Variants in SIGLEC12 observed in about 807,000 individuals in gnomAD.
SIGLEC12 encodes sialic acid binding Ig like lectin 12.
SIGLEC12 carries 43 observed loss-of-function variants against 54.1 expected under a neutral mutation model. That is an observed-to-expected ratio of 0.80 (90% CI 0.62 to 1.03). SIGLEC12 has a LOEUF of 1.03. Ranked by LOEUF, SIGLEC12 falls within the 50% of genes least tolerant of loss-of-function variation. The probability of loss-of-function intolerance (pLI) is 0.00; values close to 1 mark genes in which losing one functional copy is unlikely to be tolerated. For missense variants in SIGLEC12, 802 were observed against 735.2 expected (o/e 1.09, Z -1.05); for synonymous variants, 357 against 307.6 (o/e 1.16, Z -1.68).
At chr19:51,499,797 A>T (rs1990343023) in intron 2 of SIGLEC12, 81 bp from the exon 3 acceptor site, 15 of 1,566,752 alleles carry the variant, frequency 9.6e-6, no homozygotes, top group Middle Eastern at 3.4e-4. Context: ...CTCTGGTCTT[A>T]CTCCTCCCCT....
intron 4 of SIGLEC12, among the ~76,000 whole-genome samples, chr19:51,498,824 G>A (rs1425559595): frequency 6.6e-6 from 1 of 152,224 alleles, no homozygotes; most frequent in Non-Finnish European, 1.5e-5. Flanking sequence ...TTTTGCCCAT[G>A]TGACTATAGT....
At chr19:51,495,261 GTGGATGGA>G (rs535638938) in intron 7 of SIGLEC12, among the ~76,000 whole-genome samples, 47 of 79,156 alleles carry the variant, frequency 5.9e-4, no homozygotes, top group South Asian at 1.1e-3. Flanking sequence ...GGGTGGGTGG[GTGGATGGA>G]TGGATGGATG....
rs1990323889 is a variant in SIGLEC12, at chr19:51,499,222, A to T, written c.1088-5T>A. 1 of 1,613,834 alleles carries T rather than the reference A, an allele frequency of 6.2e-7. No individual in the cohort carries two copies. Among genetic ancestry groups the T allele is most frequent in the Non-Finnish European group, 8.5e-7 (1 of 1,179,898 alleles). ...TGGTCAAGTTCTGAGGAGGATCTGG[A>T]ACAGAAAGACACGGAGTTCCCATCA... On this transcript the variant is annotated splice_polypyrimidine_tract_variant and splice_region_variant and intron_variant, in intron 3 of 7. Transcript: ENST00000291707.
chr19:51,495,067 A>T (rs553531376), intron 7 of SIGLEC12, among the ~76,000 whole-genome samples: 3 of 152,150 alleles, frequency 2.0e-5, no homozygotes, highest in African/African-American at 7.2e-5. Context: ...ACAACCATAA[A>T]CTTAATAAAG....
At chr19:51,494,270 G>A (rs1039541287) in intron 7 of SIGLEC12, among the ~76,000 whole-genome samples, 2 of 149,630 alleles carry the variant, frequency 1.3e-5, no homozygotes, top group African/African-American at 2.4e-5. Context: ...GAACTCAACA[G>A]CAGAGAAACA....
chr19:51,499,192 A>T lies in SIGLEC12; in HGVS notation c.1113T>A (p.Thr371=). 6.2e-7 allele frequency: 1 copy of T among 1,614,092 alleles called. No individual in the cohort carries two copies. The highest frequency in any genetic ancestry group is 8.5e-7 in the Non-Finnish European group (1 of 1,179,964). The part of the protein sequence containing the change: ...ISYPPQNLTM[T]VFQGDGTAST... ...TACCTGTGCCATCTCCTTGGAAGAC[A>T]GTCATGGTCAAGTTCTGAGGAGGAT... The change falls in exon 4 of 8, where the codon ACT becomes ACA. Residue 371 remains threonine (T), a synonymous_variant. Coordinates refer to ENST00000291707, the MANE Select transcript of SIGLEC12 (RefSeq NM_053003.4).
chr19:51,498,361 T>G, intron 4 of SIGLEC12, 74 bp from the exon 5 acceptor site: 8 of 1,333,782 alleles, frequency 6.0e-6, no homozygotes, highest in South Asian at 1.4e-5. Context: ...AGAAAGAGAG[T>G]GGTGAATGGA....
At chr19:51,497,259 C>CCCATCCAGGT in intron 6 of SIGLEC12, 90 bp downstream of exon 6, 1 of 1,209,652 alleles carries the variant, frequency 8.3e-7, no homozygotes, top group Non-Finnish European at 1.2e-6. Flanking sequence ...AAGCTCTTGA[C>CCCATCCAGGT]CCATCCAGGT....
rs1204890251 is a variant in SIGLEC12, at chr19:51,499,957, C to A, written c.771G>T (p.Trp257Cys). The A allele has an allele frequency of 6.2e-7, 1 of 1,613,680 alleles. No homozygotes were observed. Among genetic ancestry groups the A allele is most frequent in the Non-Finnish European group, 8.5e-7 (1 of 1,179,838 alleles). ...CAGAGAGCTTGTCATATATGTAGTTCCATTTCCTGCTTCCTCTCTCCACCT... is the reference window on the plus strand; with the variant it reads ...CAGAGAGCTTGTCATATATGTAGTTACATTTCCTGCTTCCTCTCTCCACCT... ...YFQVERGSRK[W>C]NYIYDKLSVH... Residue 257 changes from tryptophan (W) to cysteine (C), a missense_variant, in exon 2 of 8, where the codon TGG becomes TGT. By Grantham distance (215) the Trp-to-Cys change is radical. Coordinates refer to ENST00000291707, the MANE Select transcript of SIGLEC12 (RefSeq NM_053003.4).
rs555791712 is a variant in SIGLEC12, at chr19:51,495,547, G to A, written c.1599+1333C>T. ...TGAATAAACAAAAATAAACCCACAA[G>A]CCTTCTCCTTGGAACTTCCTATTTC... On this transcript the variant is annotated intron_variant, in intron 7 of 7. Coordinates refer to ENST00000291707, the MANE Select transcript of SIGLEC12 (RefSeq NM_053003.4). Among the ~76,000 whole-genome samples the A allele has an allele frequency of 1.3e-4, 20 of 152,320 alleles. No individual in the cohort carries two copies. The East Asian group carries it at 3.9e-3, about 29-fold the overall frequency.
intron 6 of SIGLEC12, 124 bp downstream of exon 6, chr19:51,497,225 T>G (rs1990265779): frequency 1.0e-6 from 1 of 956,294 alleles, no homozygotes; most frequent in Non-Finnish European, 1.6e-6. Flanking sequence ...CATGCACCCA[T>G]GACCTCATTC....
chr19:51,500,046 T>C lies in SIGLEC12; in HGVS notation c.682A>G (p.Thr228Ala), dbSNP rs749007078. Residue 228 changes from threonine to alanine, a missense_variant, in exon 2 of 8, where the codon ACC becomes GCC. Coordinates refer to ENST00000291707, the MANE Select transcript of SIGLEC12 (RefSeq NM_053003.4). Reference protein sequence around the residue: ...GRFLLLGDPQTNNCSLSIRDA... With the variant: ...GRFLLLGDPQANNCSLSIRDA... Reference sequence around the variant, plus strand: ...CTGATGCTCAGGGAGCAGTTGTTGGTCTGTGGGTCCCCAAGGAGGAGGAAT... The same window carrying C: ...CTGATGCTCAGGGAGCAGTTGTTGGCCTGTGGGTCCCCAAGGAGGAGGAAT... The C allele has an allele frequency of 6.2e-7, 1 of 1,614,106 alleles. No homozygotes were observed. The highest frequency in any genetic ancestry group is 1.1e-5 in the South Asian group (1 of 91,080).
Position 51,499,458 on chromosome 19 carries a change from G to GC in SIGLEC12, c.1066dup (p.Ala356GlyfsTer86). 1 of 1,595,994 alleles carries GC rather than the reference G, an allele frequency of 6.3e-7. No individual in the cohort carries two copies. The highest frequency in any genetic ancestry group is 8.5e-7 in the Non-Finnish European group (1 of 1,172,566). On this transcript the variant is annotated frameshift_variant, in exon 3 of 8. Coordinates refer to ENST00000291707, the MANE Select transcript of SIGLEC12 (RefSeq NM_053003.4). LOFTEE classifies it high-confidence loss of function. ...CTCACAGGATATGTTGAGTCGGACA[G>GC]CCCTGGTCATGGTCACGCCGGCCCC... is the stretch of plus-strand genomic sequence containing the variant.
At position 51,491,635 on chromosome 19, in the gene SIGLEC12, A is replaced by C; in HGVS notation, c.*6T>G. ...CCCTCAAACAGGCCTGAGTCTCTGC[A>C]GTTTCTCACTTGGGGATGTTGATCT... On this transcript the variant is annotated 3_prime_UTR_variant, in exon 8 of 8. Transcript: ENST00000291707. 1 of 1,613,916 alleles carries C rather than the reference A, an allele frequency of 6.2e-7. No homozygotes were observed. Among genetic ancestry groups the C allele is most frequent in the Non-Finnish European group, 8.5e-7 (1 of 1,179,968 alleles).
chr19:51,498,262 C>G lies in SIGLEC12; in HGVS notation c.1161G>C (p.Ser387=), dbSNP rs139552591. 2.9e-4 allele frequency: 462 copies of G among 1,609,732 alleles called. 2 individuals are homozygous for G. The highest frequency in any genetic ancestry group is 2.7e-4 in the Admixed American group (16 of 59,766). ...ACTGGCCCTCCAGGACTGAAAGGGCCGAGCCATTCCTCAAGGTTGTGGATG... is the reference window on the plus strand; with the variant it reads ...ACTGGCCCTCCAGGACTGAAAGGGCGGAGCCATTCCTCAAGGTTGTGGATG... ...GTASTTLRNG[S]ALSVLEGQSL... Residue 387 remains serine (S), a synonymous_variant, in exon 5 of 8, where the codon TCG becomes TCC. Coordinates refer to ENST00000291707, the MANE Select transcript of SIGLEC12 (RefSeq NM_053003.4).
chr19:51,499,892 C>G, intron 2 of SIGLEC12, 28 bp downstream of exon 2: 8 of 1,585,198 alleles, frequency 5.0e-6, no homozygotes, highest in Non-Finnish European at 6.9e-6. Flanking sequence ...GCCTTCCCCT[C>G]TGGCTGGTCC....
At chr19:51,500,638 C>A (rs931906908) in intron 1 of SIGLEC12, among the ~76,000 whole-genome samples, 3 of 152,130 alleles carry the variant, frequency 2.0e-5, no homozygotes, top group African/African-American at 7.2e-5. Context: ...TTCCCTGAAG[C>A]ACCAGGGCCT....
chr19:51,500,620 C>A (rs1315258085), intron 1 of SIGLEC12, among the ~76,000 whole-genome samples: 1 of 152,146 alleles, frequency 6.6e-6, no homozygotes, highest in African/African-American at 2.4e-5. Flanking sequence ...CGCCTCCTAC[C>A]TCCGGGCTTC....
rs776439568 is a variant in SIGLEC12 at position 51,491,797 on chromosome 19, G to T, written c.1632C>A (p.Ser544Arg). Reference protein sequence around the residue: ...GPLIESPADDSPPHHAPPALA... With the variant: ...GPLIESPADDRPPHHAPPALA... ...GGGCTGGCGGAGCATGGTGTGGGGG[G>T]CTGTCATCTGCCGGGGATTCAATCA... Residue 544 changes from serine to arginine, a missense_variant, in exon 8 of 8, where the codon AGC (serine) becomes AGA (arginine). Transcript: ENST00000291707. 6.3e-7 allele frequency: 1 copy of T among 1,589,584 alleles called. No individual in the cohort carries two copies. The highest frequency in any genetic ancestry group is 1.1e-5 in the South Asian group (1 of 87,656).
Sources: gnomAD v4.1 joint callset for allele counts (sites outside exome capture counted in the v4.1 genomes callset) on GRCh38, gnomAD v4.1.1 for gene constraint, MANE v1.5 for transcripts, NCBI Gene and HGNC (gene_info 2026-07-23, HGNC 2026-07-21) for gene names.